MCC: variants seen among roughly 807,000 people sequenced by gnomAD.
MCC encodes colorectal mutant cancer protein.
MCC carries 90 observed loss-of-function variants against 116.2 expected under a neutral mutation model. The observed-to-expected ratio is 0.77, with a 90% CI of 0.65 to 0.92. The LOEUF is 0.92. MCC is among the 40% of genes least tolerant of loss of function. The pLI, the probability that MCC is intolerant of heterozygous loss-of-function variation, is 0.00. For synonymous variants in MCC, 578 were observed against 510.5 expected, an observed-to-expected ratio of 1.13 and a Z score of -1.78; for missense variants, 1,516 against 1,312.2, an observed-to-expected ratio of 1.16 and a Z score of -2.40.
intron 1 of MCC, among the ~76,000 whole-genome samples, chr5:113,485,100 G>T (rs1772482145): frequency 6.6e-6 from 1 of 152,132 alleles, no homozygotes; most frequent in African/African-American, 2.4e-5. Flanking sequence ...AATCTAGTTA[G>T]CTGATGCCTT....
intron 3 of MCC, among the ~76,000 whole-genome samples, chr5:113,334,771 A>C (rs1215953724): frequency 6.6e-6 from 1 of 150,440 alleles, no homozygotes; most frequent in African/African-American, 2.5e-5. Context: ...TTGTATTTTT[A>C]GTAGAGATGT....
intron 3 of MCC, among the ~76,000 whole-genome samples, chr5:113,169,535 GGTT>G (rs1323247334): frequency 3.3e-5 from 5 of 152,032 alleles, no homozygotes; most frequent in Non-Finnish European, 5.9e-5. Flanking sequence ...AACAAGTAAA[GGTT>G]GTTCTTGAAA....
intron 3 of MCC, among the ~76,000 whole-genome samples, chr5:113,244,839 G>A (rs78811409): frequency 0.02 from 3,112 of 152,244 alleles, 35 homozygotes; most frequent in Middle Eastern, 0.027. Flanking sequence ...TATAAGCACA[G>A]CACTACCCAA....
intron 3 of MCC, among the ~76,000 whole-genome samples, chr5:113,167,409 C>A (rs1760826637): frequency 1.3e-5 from 2 of 152,084 alleles, no homozygotes; most frequent in South Asian, 2.1e-4. Flanking sequence ...TGAGGGCTAC[C>A]CGGAAAAGTG....
chr5:113,376,688 G>A (rs1768992660), intron 2 of MCC, among the ~76,000 whole-genome samples: 1 of 150,966 alleles, frequency 6.6e-6, no homozygotes, highest in Admixed American at 6.6e-5. Context: ...TTAAAACCAT[G>A]GAATGGGCAT....
At chr5:113,373,961 G>T (rs907937144) in intron 2 of MCC, among the ~76,000 whole-genome samples, 2 of 151,816 alleles carry the variant, frequency 1.3e-5, no homozygotes, top group Non-Finnish European at 2.9e-5. Flanking sequence ...GAATGCAGTG[G>T]TGTGATCTCA....
chr5:113,154,204 G>A (rs994175916), intron 3 of MCC, among the ~76,000 whole-genome samples: 2 of 152,196 alleles, frequency 1.3e-5, no homozygotes, highest in Non-Finnish European at 2.9e-5. Context: ...ACTGTTTTCT[G>A]CATATGCAGG....
intron 3 of MCC, among the ~76,000 whole-genome samples, chr5:113,168,499 T>G (rs534290286): frequency 6.6e-6 from 1 of 152,272 alleles, no homozygotes; most frequent in East Asian, 1.9e-4. Context: ...CTGTGCTACA[T>G]AAGTTAAATG....
At chr5:113,337,617 C>T (rs993177093) in intron 3 of MCC, among the ~76,000 whole-genome samples, 6 of 152,156 alleles carry the variant, frequency 3.9e-5, no homozygotes, top group African/African-American at 1.2e-4. Flanking sequence ...TCCTCTGCTA[C>T]TAGTTAATAA....
chr5:113,161,849 T>C (rs1760504490), intron 3 of MCC, among the ~76,000 whole-genome samples: 1 of 152,254 alleles, frequency 6.6e-6, no homozygotes, highest in Admixed American at 6.5e-5. Context: ...TTTTAAAAGA[T>C]ACTTTAATAT....
rs138401195 is a variant in MCC at position 113,097,311 on chromosome 5, C to G, written c.1398+4428G>C. Among the ~76,000 whole-genome samples, 333 of 152,252 alleles carry G rather than the reference C, an allele frequency of 2.2e-3. 2 individuals carry two copies. Among genetic ancestry groups the G allele is most frequent in the African/African-American group, 7.7e-3 (319 of 41,556 alleles). On this transcript the variant is annotated intron_variant, in intron 8 of 18. Coordinates refer to ENST00000408903, the MANE Select transcript of MCC (RefSeq NM_001085377.2). Reference sequence around the variant, plus strand: ...GTTAATATTTTAGCATATCAGTGTTCTATTTCTATGTATATACTTCTGCAT... The same window carrying G: ...GTTAATATTTTAGCATATCAGTGTTGTATTTCTATGTATATACTTCTGCAT...
intron 11 of MCC, 131 bp from the exon 12 acceptor site, chr5:113,071,365 T>C: frequency 1.1e-6 from 1 of 916,660 alleles, no homozygotes; most frequent in Non-Finnish European, 1.7e-6. Flanking sequence ...GCTGACACAG[T>C]ATTTTGTCAA....
rs1753429041 is a variant in MCC at position 113,064,180 on chromosome 5, G to A, written c.2030-13C>T. 3 of 1,599,316 alleles carry A rather than the reference G, an allele frequency of 1.9e-6. No individual in the cohort carries two copies. Among genetic ancestry groups the A allele is most frequent in the Admixed American group, 1.7e-5 (1 of 58,946 alleles). ...CCCGACTGGTCTCCTATGTGGCAGA[G>A]AAGCCAACGGATTAATCAACATAGG... On this transcript the variant is annotated splice_polypyrimidine_tract_variant and intron_variant, in intron 13 of 18. Transcript: ENST00000408903.
chr5:113,294,359 A>C (rs777848018), intron 3 of MCC: 4 of 1,612,948 alleles, frequency 2.5e-6, no homozygotes, highest in South Asian at 2.2e-5. Flanking sequence ...AGTCGTTTCC[A>C]TATTTCATGG....
intron 3 of MCC, among the ~76,000 whole-genome samples, chr5:113,196,063 C>G (rs1200737469): frequency 6.6e-6 from 1 of 152,244 alleles, no homozygotes; most frequent in Admixed American, 6.5e-5. Flanking sequence ...AGACTTCATT[C>G]TTTTCGATTG....
intron 4 of MCC, among the ~76,000 whole-genome samples, chr5:113,150,526 G>C (rs933327672): frequency 6.6e-6 from 1 of 152,014 alleles, no homozygotes; most frequent in African/African-American, 2.4e-5. Flanking sequence ...AAATTCAGAA[G>C]TGAGAAGAGT....
At chr5:113,338,469 TG>T (rs1240108678) in intron 3 of MCC, among the ~76,000 whole-genome samples, 1 of 152,092 alleles carries the variant, frequency 6.6e-6, no homozygotes, top group Non-Finnish European at 1.5e-5. Flanking sequence ...CTGGAGAAGC[TG>T]GGAACCACAG....
At chr5:113,372,827 G>A (rs983583805) in intron 2 of MCC, among the ~76,000 whole-genome samples, 1 of 151,946 alleles carries the variant, frequency 6.6e-6, no homozygotes, top group East Asian at 1.9e-4. Context: ...AAAGTGATGG[G>A]ATTATAAGCA....
chr5:113,045,068 C>A (rs1300345060), intron 16 of MCC, among the ~76,000 whole-genome samples: 3 of 152,240 alleles, frequency 2.0e-5, no homozygotes, highest in Non-Finnish European at 4.4e-5. Flanking sequence ...AGATCCAAGT[C>A]CCCTGTCCAC....
Sources: gnomAD v4.1 joint callset for allele counts (sites outside exome capture counted in the v4.1 genomes callset) on GRCh38, gnomAD v4.1.1 for gene constraint, MANE v1.5 for transcripts, NCBI Gene and HGNC (gene_info 2026-07-23, HGNC 2026-07-21) for gene names.